The following AXDND1 variants were observed in gnomAD, a reference collection of about 807,000 sequenced individuals.
AXDND1 encodes axonemal dynein light chain domain-containing protein 1.
Under a neutral mutation model 137.5 loss-of-function variants are expected in AXDND1, and 110 were observed. The observed-to-expected ratio is 0.80, with a 90% CI of 0.69 to 0.94. AXDND1 has a LOEUF of 0.94. AXDND1 is among the 40% of genes least tolerant of loss of function. The probability of loss-of-function intolerance (pLI) is 0.00; values close to 1 mark genes in which losing one functional copy is unlikely to be tolerated. For missense variants in AXDND1, 1,191 were observed against 1,169.8 expected, an observed-to-expected ratio of 1.02 and a Z score of -0.26; for synonymous variants, 414 against 399.7, an observed-to-expected ratio of 1.04 and a Z score of -0.43.
chr1:179,430,463 C>T lies in AXDND1; in HGVS notation c.1344C>T (p.Asp448=). ...IILLSNKDTE[D]LALLQKLTQK... ...TGCATTTTATATAGGACACTGAAGACCTTGCACTGTTGCAGAAGTTGACAC... is the reference window on the plus strand; with the variant it reads ...TGCATTTTATATAGGACACTGAAGATCTTGCACTGTTGCAGAAGTTGACAC... The change falls in exon 14 of 26, where the codon GAC becomes GAT. Residue 448 remains aspartate, a synonymous_variant. Coordinates refer to ENST00000367618, the MANE Select transcript of AXDND1 (RefSeq NM_144696.6). 1.2e-6 allele frequency: 2 copies of T among 1,612,552 alleles called. No homozygotes were observed. Among genetic ancestry groups the T allele is most frequent in the Admixed American group, 1.7e-5 (1 of 59,790 alleles).
chr1:179,550,956 T>A (rs974595925), intron 25 of AXDND1: 2 of 601,344 alleles, frequency 3.3e-6, no homozygotes, highest in South Asian at 4.0e-5. Context: ...CCATAATTGC[T>A]CTGACTAGAT....
chr1:179,455,768 A>G, intron 16 of AXDND1: 1 of 174,078 alleles, frequency 5.7e-6, no homozygotes, highest in Non-Finnish European at 1.2e-5. Flanking sequence ...ATAGTAGGAC[A>G]ATAGAAGTAG....
intron 18 of AXDND1, among the ~76,000 whole-genome samples, chr1:179,485,924 C>T (rs541042416): frequency 6.6e-6 from 1 of 152,022 alleles, no homozygotes; most frequent in East Asian, 1.9e-4. Flanking sequence ...TCGAGACCAG[C>T]CTGGCCAACA....
intron 18 of AXDND1, among the ~76,000 whole-genome samples, chr1:179,488,179 A>G (rs1352656520): frequency 2.0e-5 from 3 of 147,888 alleles, no homozygotes; most frequent in Admixed American, 2.0e-4. Flanking sequence ...GCCAATTGAA[A>G]TGCTTTATTT....
intron 16 of AXDND1, chr1:179,451,598 A>G (rs1270247435): frequency 6.6e-6 from 1 of 152,164 alleles, no homozygotes; most frequent in Non-Finnish European, 1.5e-5. Flanking sequence ...CTCATCTTGA[A>G]TTTCCACATG....
intron 16 of AXDND1, chr1:179,457,223 T>C: frequency 5.5e-6 from 4 of 728,978 alleles, no homozygotes; most frequent in African/African-American, 1.7e-5. Flanking sequence ...TGAGCATTCC[T>C]CATTGCTCAA....
chr1:179,487,873 A>G (rs947884959), intron 18 of AXDND1, among the ~76,000 whole-genome samples: 2 of 147,014 alleles, frequency 1.4e-5, no homozygotes, highest in South Asian at 2.1e-4. Context: ...GCACACACCT[A>G]TAGTCCCAAC....
intron 20 of AXDND1, 48 bp from the exon 21 acceptor site, chr1:179,509,248 G>T (rs371238202): frequency 2.4e-6 from 3 of 1,232,004 alleles, no homozygotes; most frequent in Non-Finnish European, 3.5e-6. Flanking sequence ...AGCGGTGAGT[G>T]AATAAATGAG....
chr1:179,404,078 A>C (rs919394449), intron 11 of AXDND1, among the ~76,000 whole-genome samples: 1 of 152,194 alleles, frequency 6.6e-6, no homozygotes, highest in Non-Finnish European at 1.5e-5. Context: ...GTTTTGATAA[A>C]TTTTAGCTTT....
At chr1:179,525,517 G>T in intron 22 of AXDND1, 70 bp downstream of exon 22, 1 of 1,470,808 alleles carries the variant, frequency 6.8e-7, no homozygotes, top group Admixed American at 2.2e-5. Flanking sequence ...ATATTTTAGA[G>T]ACAGGGTCCT....
chr1:179,530,311 G>A (rs1481397564), intron 23 of AXDND1, among the ~76,000 whole-genome samples: 1 of 152,176 alleles, frequency 6.6e-6, no homozygotes, highest in Non-Finnish European at 1.5e-5. Flanking sequence ...TTACAGGCGT[G>A]AGCCACCACG....
rs576200520 is a variant in AXDND1 at position 179,511,683 on chromosome 1, T to C, written c.2496+2280T>C. ...TACTAGTTTACATTCCCTCCAGCAG[T>C]GTAGAAGTGTTCCTTGATGACCGCA... is the stretch of plus-strand genomic sequence containing the variant. On this transcript the variant is annotated intron_variant, in intron 21 of 25. Coordinates refer to ENST00000367618, the MANE Select transcript of AXDND1 (RefSeq NM_144696.6). Among the ~76,000 whole-genome samples the C allele has an allele frequency of 3.9e-5, 6 of 152,300 alleles. No individual in the cohort carries two copies. The South Asian group carries it at 8.3e-4, about 21-fold the overall frequency.
At position 179,526,533 on chromosome 1, in the gene AXDND1, A is replaced by G. The variant is rs149809033; in HGVS notation, c.2610+1086A>G. On this transcript the variant is annotated intron_variant, in intron 22 of 25. Coordinates refer to ENST00000367618, the MANE Select transcript of AXDND1 (RefSeq NM_144696.6). ...TGACTACTACTGCCTTTGGCTTCCT[A>G]GAACTCATGATTGCCTAACACTCTC... Among the ~76,000 whole-genome samples, 824 of 152,296 alleles carry G rather than the reference A, an allele frequency of 5.4e-3. 4 individuals are homozygous for G. The highest frequency in any genetic ancestry group is 0.02 in the Middle Eastern group (6 of 294).
chr1:179,422,594 T>G (rs6697285), intron 12 of AXDND1, among the ~76,000 whole-genome samples: 1 of 152,142 alleles, frequency 6.6e-6, no homozygotes, highest in Non-Finnish European at 1.5e-5. Context: ...GCTGACAAAA[T>G]GAATGTGTAT....
chr1:179,400,611 AAAG>A (rs916242529), intron 11 of AXDND1, among the ~76,000 whole-genome samples: 8 of 151,370 alleles, frequency 5.3e-5, no homozygotes, highest in African/African-American at 1.7e-4. Context: ...AAAAAAAAAA[AAAG>A]AGAAGATGGC....
chr1:179,495,573 A>G (rs1667356833), intron 20 of AXDND1, among the ~76,000 whole-genome samples: 1 of 151,854 alleles, frequency 6.6e-6, no homozygotes, highest in African/African-American at 2.4e-5. Flanking sequence ...TCCTTCTAAG[A>G]ATTTTTTTTA....
intron 4 of AXDND1, among the ~76,000 whole-genome samples, chr1:179,374,324 A>C (rs1323544588): frequency 6.6e-6 from 1 of 152,208 alleles, no homozygotes. Context: ...GTCAGGAAAC[A>C]ACAGGTGCTG....
intron 11 of AXDND1, among the ~76,000 whole-genome samples, chr1:179,396,662 A>G (rs1267110568): frequency 6.6e-6 from 1 of 152,258 alleles, no homozygotes; most frequent in Non-Finnish European, 1.5e-5. Context: ...TCTCAAAAAA[A>G]AAAAAACTTG....
intron 16 of AXDND1, chr1:179,456,757 C>CT (rs2125421340): frequency 1.3e-6 from 1 of 782,498 alleles, no homozygotes; most frequent in Admixed American, 1.7e-5. Context: ...CTACTTTGAC[C>CT]TCTTTGGCTG....
Sources: allele counts gnomAD v4.1 joint callset (sites outside exome capture counted in the v4.1 genomes callset), GRCh38; gene constraint gnomAD v4.1.1; transcripts MANE v1.5; gene names NCBI Gene and HGNC (gene_info 2026-07-23, HGNC 2026-07-21).